DOK6: variants seen among roughly 807,000 people sequenced by gnomAD.
DOK6 encodes the protein downstream of tyrosine kinase 6.
A neutral mutation model predicts 44.0 loss-of-function variants in DOK6; 22 were observed. That is an observed-to-expected ratio of 0.50 (90% confidence interval 0.36 to 0.71). DOK6 has a LOEUF of 0.71. Among genes scored for constraint, DOK6 ranks in the 30% least tolerant of loss-of-function variants. The probability of loss-of-function intolerance (pLI) is 0.00; values close to 1 mark genes in which losing one functional copy is unlikely to be tolerated. For missense variants in DOK6, 340 were observed against 416.4 expected (o/e 0.82, Z 1.60); for synonymous variants, 166 against 145.5 (o/e 1.14, Z -1.01).
chr18:69,466,524 A>G (rs1026855471), intron 1 of DOK6, among the ~76,000 whole-genome samples: 1 of 152,180 alleles, frequency 6.6e-6, no homozygotes, highest in Admixed American at 6.5e-5. Context: ...CTCTGAACAT[A>G]TATCTAGACT....
intron 5 of DOK6, among the ~76,000 whole-genome samples, chr18:69,720,180 C>A (rs550959212): frequency 1.3e-5 from 2 of 151,898 alleles, no homozygotes; most frequent in African/African-American, 2.4e-5. Flanking sequence ...CAGAGGGAGA[C>A]TGACTCAAAA....
At chr18:69,423,669 T>C (rs1192334346) in intron 1 of DOK6, among the ~76,000 whole-genome samples, 6 of 152,244 alleles carry the variant, frequency 3.9e-5, no homozygotes, top group Non-Finnish European at 8.8e-5. Flanking sequence ...TTGCTCATGA[T>C]TGTTTTAATT....
rs1178422158 is a variant in DOK6, at chr18:69,603,758, G to A, written c.289+4260G>A. Among the ~76,000 whole-genome samples the A allele has an allele frequency of 4.0e-5, 5 of 123,956 alleles. No individual in the cohort carries two copies. In the Admixed American group the frequency reaches 4.7e-4, roughly 12 times the overall value. The allele number at this position is 123,956 out of a possible 152,430, so 81.3% of individuals were successfully genotyped here. ...TGCACTCCAGCCTGGGCGACAGAGC[G>A]AGACTCCGTCTCAAAAAAAAAAAAA... On this transcript the variant is annotated intron_variant, in intron 3 of 7. Transcript: ENST00000382713.
intron 7 of DOK6, among the ~76,000 whole-genome samples, chr18:69,762,744 GAC>G (rs1248460783): frequency 3.3e-5 from 5 of 152,170 alleles, no homozygotes; most frequent in Non-Finnish European, 7.3e-5. Context: ...TCTATAGTAA[GAC>G]ACCTATAACT....
In DOK6 at chr18:69,631,917, G is replaced by A. The variant is rs118115968; in HGVS notation, c.289+32419G>A. ...AATTCTTTTTATCATAAGTCACATT[G>A]ACTCTATCTGAAAATCTTTATGTTG... On this transcript the variant is annotated intron_variant, in intron 3 of 7. Transcript: ENST00000382713. Among the ~76,000 whole-genome samples the A allele has an allele frequency of 5.9e-3, 892 of 152,184 alleles. 1 individual carries two copies. The highest frequency in any genetic ancestry group is 0.01 in the Non-Finnish European group (707 of 68,008).
intron 7 of DOK6, among the ~76,000 whole-genome samples, chr18:69,784,726 T>G (rs918802291): frequency 6.6e-6 from 1 of 152,190 alleles, no homozygotes; most frequent in Non-Finnish European, 1.5e-5. Context: ...GAAAAAAATC[T>G]ATTTCCACAA....
intron 1 of DOK6, among the ~76,000 whole-genome samples, chr18:69,510,261 G>A (rs1177857043): frequency 6.6e-6 from 1 of 152,090 alleles, no homozygotes; most frequent in Non-Finnish European, 1.5e-5. Flanking sequence ...TTCATTACTT[G>A]TATATTCTTT....
At chr18:69,585,308 CTTA>C (rs777624759) in intron 2 of DOK6, among the ~76,000 whole-genome samples, 6 of 151,426 alleles carry the variant, frequency 4.0e-5, no homozygotes, top group Non-Finnish European at 7.4e-5. Context: ...ATTTAATTAT[CTTA>C]TTATAAATTT....
At chr18:69,435,046 G>GGAAA (rs1978932631) in intron 1 of DOK6, among the ~76,000 whole-genome samples, 1 of 138,604 alleles carries the variant, frequency 7.2e-6, no homozygotes, top group Non-Finnish European at 1.6e-5. Flanking sequence ...AAGGAAGGAA[G>GGAAA]GAAGGAAGGA....
intron 5 of DOK6, among the ~76,000 whole-genome samples, chr18:69,713,589 A>G (rs1986817558): frequency 6.6e-6 from 1 of 152,054 alleles, no homozygotes; most frequent in African/African-American, 2.4e-5. Flanking sequence ...GTGATCATAT[A>G]TTTTTTGTCA....
intron 1 of DOK6, among the ~76,000 whole-genome samples, chr18:69,536,667 A>G (rs1982130642): frequency 6.6e-6 from 1 of 152,120 alleles, no homozygotes; most frequent in Admixed American, 6.6e-5. Flanking sequence ...ATTGTTACAT[A>G]TTTTCAATTA....
intron 3 of DOK6, among the ~76,000 whole-genome samples, chr18:69,649,336 C>T (rs772794626): frequency 2.0e-5 from 3 of 152,160 alleles, no homozygotes; most frequent in Admixed American, 1.3e-4. Context: ...TCCATGTAAA[C>T]GAAATCTCCT....
At chr18:69,722,609 G>C (rs1369574050) in intron 5 of DOK6, among the ~76,000 whole-genome samples, 2 of 152,152 alleles carry the variant, frequency 1.3e-5, no homozygotes, top group Non-Finnish European at 2.9e-5. Flanking sequence ...CATTATTCAC[G>C]CAACCCTGAA....
chr18:69,635,381 C>T (rs533888506), intron 3 of DOK6, among the ~76,000 whole-genome samples: 63 of 152,194 alleles, frequency 4.1e-4, no homozygotes, highest in Middle Eastern at 6.8e-3. Flanking sequence ...TGTGTATAAG[C>T]GTAATAATTC....
At chr18:69,419,671 T>C (rs146158205) in intron 1 of DOK6, among the ~76,000 whole-genome samples, 1,689 of 152,212 alleles carry the variant, frequency 0.011, 16 homozygotes, top group South Asian at 0.019. Context: ...TAATTAAGGA[T>C]ATATGCTAAT....
intron 2 of DOK6, among the ~76,000 whole-genome samples, chr18:69,582,668 C>T (rs896495852): frequency 2.6e-5 from 4 of 152,124 alleles, no homozygotes; most frequent in Admixed American, 2.6e-4. Flanking sequence ...TCCTTAATCC[C>T]ATTCATCTTT....
chr18:69,634,455 A>G (rs1213078585), intron 3 of DOK6, among the ~76,000 whole-genome samples: 1 of 152,206 alleles, frequency 6.6e-6, no homozygotes, highest in Admixed American at 6.5e-5. Context: ...GTAATTTCAC[A>G]ATCTAAGTTG....
chr18:69,720,112 C>A (rs1223160049), intron 5 of DOK6, among the ~76,000 whole-genome samples: 1 of 152,124 alleles, frequency 6.6e-6, no homozygotes, highest in African/African-American at 2.4e-5. Flanking sequence ...TCGCTTGAAC[C>A]TGGGAGGCAG....
chr18:69,504,966 C>G (rs1384262159), intron 1 of DOK6, among the ~76,000 whole-genome samples: 1 of 152,126 alleles, frequency 6.6e-6, no homozygotes, highest in Admixed American at 6.5e-5. Flanking sequence ...TCCTTCTTTA[C>G]TTATATATAG....
Sources: gnomAD v4.1 joint callset for allele counts (sites outside exome capture counted in the v4.1 genomes callset) on GRCh38, gnomAD v4.1.1 for gene constraint, MANE v1.5 for transcripts, NCBI Gene and HGNC (gene_info 2026-07-23, HGNC 2026-07-21) for gene names.